The following CTDSPL2 variants were observed in gnomAD, a reference collection of about 807,000 sequenced individuals.
The protein encoded by CTDSPL2 is CTD small phosphatase-like protein 2.
In CTDSPL2, 5 loss-of-function variants were observed where a neutral mutation model predicts 60.0. The observed-to-expected ratio is 0.08, with a 90% CI of 0.04 to 0.18. The LOEUF is 0.18. Ranked by LOEUF, CTDSPL2 falls within the 10% of genes least tolerant of loss-of-function variation. The pLI is 1.00. For synonymous variants in CTDSPL2, 186 were observed against 189.3 expected (o/e 0.98, Z 0.14); for missense variants, 370 against 548.8 (o/e 0.67, Z 3.26).
intron 2 of CTDSPL2, among the ~76,000 whole-genome samples, chr15:44,483,294 T>C (rs560238116): frequency 6.6e-6 from 1 of 150,954 alleles, no homozygotes; most frequent in South Asian, 2.1e-4. Flanking sequence ...AAAAAATCAC[T>C]CATGTGCATG....
At chr15:44,437,378 T>C (rs1485875519) in intron 1 of CTDSPL2, among the ~76,000 whole-genome samples, 1 of 152,228 alleles carries the variant, frequency 6.6e-6, no homozygotes, top group Admixed American at 6.5e-5. Flanking sequence ...TGGGAGCAGA[T>C]TATCAACTGA....
At chr15:44,453,072 A>C (rs969415645) in intron 1 of CTDSPL2, among the ~76,000 whole-genome samples, 1 of 152,176 alleles carries the variant, frequency 6.6e-6, no homozygotes, top group African/African-American at 2.4e-5. Flanking sequence ...TTCTTTAAAC[A>C]AGACTATGTC....
intron 1 of CTDSPL2, chr15:44,448,485 T>G: frequency 4.0e-6 from 1 of 252,380 alleles, no homozygotes; most frequent in Non-Finnish European, 7.8e-6. Context: ...CTCTCGATTT[T>G]GGGGATGCTG....
At chr15:44,427,966 A>G (rs907677389) in intron 1 of CTDSPL2, 194 bp downstream of exon 1, 13 of 328,708 alleles carry the variant, frequency 4.0e-5, no homozygotes, top group Non-Finnish European at 6.6e-5. Context: ...TCCCCTGGGA[A>G]CAGAAAGGGA....
rs1288740849 is a variant in CTDSPL2 at position 44,514,532 on chromosome 15, A to T, written c.970-66A>T. The T allele has an allele frequency of 3.2e-6, 3 of 940,552 alleles. No individual in the cohort carries two copies. The South Asian group carries it at 4.0e-5, about 13-fold the overall frequency. The allele number at this position is 940,552 out of a possible 1,614,324, so 58.3% of individuals were successfully genotyped here. A position where few individuals can be genotyped will look rare whatever the true frequency, so the allele number is the denominator to read the frequency against. ...TATAATCAAAGTTAGAATACAGCAC[A>T]TCTTAAAAAGAAGTGGTTTCCCATT... On this transcript the variant is annotated intron_variant, in intron 8 of 12. Transcript: ENST00000260327.
chr15:44,490,648 C>T (rs2081197993), intron 4 of CTDSPL2, 136 bp from the exon 5 acceptor site: 1 of 658,350 alleles, frequency 1.5e-6, no homozygotes, highest in South Asian at 2.0e-5. Context: ...CAAAGATTCT[C>T]TAAAAGCAAT....
chr15:44,476,287 C>G (rs1311208374), intron 2 of CTDSPL2, among the ~76,000 whole-genome samples: 2 of 152,048 alleles, frequency 1.3e-5, no homozygotes, highest in Non-Finnish European at 2.9e-5. Context: ...AGGATGGTCT[C>G]GATCTCCTGA....
chr15:44,495,406 C>T lies in CTDSPL2; in HGVS notation c.692-974C>T, dbSNP rs534757855. On this transcript the variant is annotated intron_variant, in intron 5 of 12. Transcript: ENST00000260327. ...GAGCATCCTAGCTAACACTGTGAAA[C>T]CCCGTCTCTACTAAAAATACAATAA... Among the ~76,000 whole-genome samples the T allele has an allele frequency of 3.9e-5, 6 of 152,000 alleles. No homozygotes were observed. The East Asian group carries it at 1.2e-3, about 30-fold the overall frequency.
intron 1 of CTDSPL2, among the ~76,000 whole-genome samples, chr15:44,445,009 T>C (rs1185283801): frequency 6.6e-6 from 1 of 150,836 alleles, no homozygotes; most frequent in Non-Finnish European, 1.5e-5. Flanking sequence ...CTGGCTAATT[T>C]TTTTTATATT....
chr15:44,485,920 A>C (rs531763861), intron 3 of CTDSPL2, among the ~76,000 whole-genome samples: 2 of 152,356 alleles, frequency 1.3e-5, no homozygotes, highest in Non-Finnish European at 2.9e-5. Flanking sequence ...GTTGAGGAGA[A>C]TCAAAGGATG....
intron 2 of CTDSPL2, among the ~76,000 whole-genome samples, chr15:44,461,573 C>CTTTTTT (rs35540014): frequency 1.1e-4 from 14 of 125,666 alleles, no homozygotes; most frequent in Non-Finnish European, 2.0e-4. Context: ...GTTTCTCTCC[C>CTTTTTT]TTTTTTTTTT....
At chr15:44,468,069 A>T (rs1182689436) in intron 2 of CTDSPL2, among the ~76,000 whole-genome samples, 1 of 152,188 alleles carries the variant, frequency 6.6e-6, no homozygotes, top group East Asian at 1.9e-4. Flanking sequence ...CCATAAAACA[A>T]GTTGAGGACT....
chr15:44,452,711 T>C (rs1333290867), intron 1 of CTDSPL2, among the ~76,000 whole-genome samples: 1 of 152,182 alleles, frequency 6.6e-6, no homozygotes, highest in African/African-American at 2.4e-5. Flanking sequence ...TTTAAATTTG[T>C]CATTCTTTTT....
intron 1 of CTDSPL2, among the ~76,000 whole-genome samples, chr15:44,444,895 T>A (rs1041256568): frequency 7.2e-6 from 1 of 138,178 alleles, no homozygotes; most frequent in African/African-American, 2.7e-5. Context: ...TTGCCCAGGC[T>A]GGAGTGCAGT....
chr15:44,458,018 ATTTAGAG>A (rs1420185355), intron 1 of CTDSPL2, among the ~76,000 whole-genome samples: 1 of 152,234 alleles, frequency 6.6e-6, no homozygotes, highest in Non-Finnish European at 1.5e-5. Flanking sequence ...ATTTCTGTAC[ATTTAGAG>A]TTTAAAGTGC....
At chr15:44,429,360 A>G (rs1227039076) in intron 1 of CTDSPL2, among the ~76,000 whole-genome samples, 1 of 152,194 alleles carries the variant, frequency 6.6e-6, no homozygotes, top group Non-Finnish European at 1.5e-5. Context: ...TATGCAACTT[A>G]AAGGGATCTT....
At chr15:44,430,203 A>G (rs1313893979) in intron 1 of CTDSPL2, among the ~76,000 whole-genome samples, 1 of 152,228 alleles carries the variant, frequency 6.6e-6, no homozygotes, top group Non-Finnish European at 1.5e-5. Flanking sequence ...TTGTTCACCA[A>G]GGATGTACTA....
intron 1 of CTDSPL2, among the ~76,000 whole-genome samples, chr15:44,446,654 A>G (rs2080221295): frequency 6.6e-6 from 1 of 151,824 alleles, no homozygotes; most frequent in Non-Finnish European, 1.5e-5. Context: ...ACAAACAAAC[A>G]AAAAACCTTA....
chr15:44,487,699 C>G (rs1440326235), intron 4 of CTDSPL2, among the ~76,000 whole-genome samples: 1 of 152,078 alleles, frequency 6.6e-6, no homozygotes, highest in Admixed American at 6.6e-5. Flanking sequence ...GGTAGGAGAG[C>G]TATGAAGAAG....
Sources: allele counts gnomAD v4.1 joint callset (sites outside exome capture counted in the v4.1 genomes callset), GRCh38; gene constraint gnomAD v4.1.1; transcripts MANE v1.5; gene names NCBI Gene and HGNC (gene_info 2026-07-23, HGNC 2026-07-21).